Variants in DPYSL2 observed in about 807,000 individuals in gnomAD.
The protein encoded by DPYSL2 is dihydropyrimidinase like 2.
In DPYSL2, 13 loss-of-function variants were observed where a neutral mutation model predicts 69.9. The ratio of observed to expected loss-of-function variants is 0.19; its 90% CI spans 0.12 to 0.30. The LOEUF (loss-of-function observed/expected upper bound fraction) is 0.30. Among genes scored for constraint, DPYSL2 ranks in the 10% least tolerant of loss-of-function variants. The probability of loss-of-function intolerance (pLI) is 1.00; values close to 1 mark genes in which losing one functional copy is unlikely to be tolerated. For synonymous variants in DPYSL2, 326 were observed against 359.1 expected (o/e 0.91, Z 1.04); for missense variants, 587 against 918.9 (o/e 0.64, Z 4.67).
chr8:26,626,061 C>T lies in DPYSL2; in HGVS notation c.794-556C>T, dbSNP rs962223914. 4.6e-5 allele frequency among the ~76,000 whole-genome samples: 7 copies of T among 152,182 alleles called. No homozygotes were observed. The highest frequency in any genetic ancestry group is 2.0e-4 in the Admixed American group (3 of 15,278). ...TGTCTGTGAAATTGACTTCTAGGGA[C>T]CTCATACAAGTGGAATCATATAGTA... is the stretch of plus-strand genomic sequence containing the variant. On this transcript the variant is annotated intron_variant, in intron 4 of 13. Coordinates refer to ENST00000521913, the MANE Select transcript of DPYSL2 (RefSeq NM_001197293.3). This position sits in a 1 kb window ranked among gnomAD's most constrained non-coding sequence, Gnocchi z 4.3.
intron 1 of DPYSL2, among the ~76,000 whole-genome samples, chr8:26,545,008 T>C (rs1206717629): frequency 6.6e-6 from 1 of 152,148 alleles, no homozygotes; most frequent in Non-Finnish European, 1.5e-5. Context: ...CCTGAATATA[T>C]AAAGCAAATA....
Position 26,642,011 on chromosome 8 carries a change from C to T in DPYSL2, c.1127-1428C>T, listed in dbSNP as rs1023961847. On this transcript the variant is annotated intron_variant, in intron 8 of 13. Coordinates refer to ENST00000521913, the MANE Select transcript of DPYSL2 (RefSeq NM_001197293.3). The surrounding 1 kb of genome is among the most constrained non-coding windows in gnomAD (Gnocchi z 5.3). ...CTGTGGTGTGTTTGCCCTTGAGGGC[C>T]CTGTGTTTGGGGAAGTAGAGAAGCT... Among the ~76,000 whole-genome samples, 1 of 151,982 alleles carries T rather than the reference C, an allele frequency of 6.6e-6. No individual in the cohort carries two copies. Among genetic ancestry groups the T allele is most frequent in the Admixed American group, 6.6e-5 (1 of 15,254 alleles).
intron 1 of DPYSL2, among the ~76,000 whole-genome samples, chr8:26,558,407 G>GTTTA (rs1563386307): frequency 6.6e-6 from 1 of 152,208 alleles, no homozygotes; most frequent in Non-Finnish European, 1.5e-5. Context: ...AAAGATCAGT[G>GTTTA]TTTACCATGG....
At position 26,591,006 on chromosome 8, in the gene DPYSL2, A is replaced by G. The variant is rs1168562195; in HGVS notation, c.628+7023A>G. Among the ~76,000 whole-genome samples the G allele has an allele frequency of 6.6e-6, 1 of 152,174 alleles. No homozygotes were observed. The highest frequency in any genetic ancestry group is 1.5e-5 in the Non-Finnish European group (1 of 68,016). The stretch of plus-strand genomic sequence containing the variant: ...TTTCGTGGACATTGTGGCAGTTATC[A>G]TACTGTCCCAGGGTTTCTTGCCCCC... On this transcript the variant is annotated intron_variant, in intron 3 of 13. Coordinates refer to ENST00000521913, the MANE Select transcript of DPYSL2 (RefSeq NM_001197293.3). The surrounding 1 kb of genome is among the most constrained non-coding windows in gnomAD (Gnocchi z 5.8).
At position 26,622,496 on chromosome 8, in the gene DPYSL2, G is replaced by GTGTA. The variant is rs1554544401; in HGVS notation, c.629-1646_629-1645insGTAT. 2.2e-3 allele frequency among the ~76,000 whole-genome samples: 199 copies of GTGTA among 90,662 alleles called. 1 individual carries two copies. Among genetic ancestry groups the GTGTA allele is most frequent in the African/African-American group, 9.1e-3 (191 of 21,058 alleles). The allele number at this position is 90,662 out of a possible 152,430, so 59.5% of individuals were successfully genotyped here. A position where few individuals can be genotyped will look rare whatever the true frequency, so the allele number is the denominator to read the frequency against. ...TGTATATGTGTGTGTGTGTGTGTGT[G>GTGTA]TATATATATATTTTTTTTTTTCTTG... On this transcript the variant is annotated intron_variant, in intron 3 of 13. Transcript: ENST00000521913.
In DPYSL2 at chr8:26,553,121, G is replaced by A. The variant is rs139580924; in HGVS notation, c.355-28848G>A. The stretch of plus-strand genomic sequence containing the variant: ...CTCACACAAGAAGAAATAGATAATC[G>A]GAATAGACCTATTGCTATTAAAGAA... On this transcript the variant is annotated intron_variant, in intron 1 of 13. Transcript: ENST00000521913. 1.6e-4 allele frequency among the ~76,000 whole-genome samples: 24 copies of A among 152,172 alleles called. 2 individuals are homozygous for A. The highest frequency in any genetic ancestry group is 3.4e-3 in the Middle Eastern group (1 of 294).
In DPYSL2 at chr8:26,614,294, C is replaced by A. The variant is rs73678821; in HGVS notation, c.629-9849C>A. On this transcript the variant is annotated intron_variant, in intron 3 of 13. Coordinates refer to ENST00000521913, the MANE Select transcript of DPYSL2 (RefSeq NM_001197293.3). The surrounding 1 kb of genome is among the most constrained non-coding windows in gnomAD (Gnocchi z 4.9). ...GGATGTGGCAGGGACAGGTTCCAGGCACTGGCAGGATGGGGGCCAGTGTGC... is the reference window on the plus strand; with the variant it reads ...GGATGTGGCAGGGACAGGTTCCAGGAACTGGCAGGATGGGGGCCAGTGTGC... 2.7e-3 allele frequency among the ~76,000 whole-genome samples: 415 copies of A among 152,104 alleles called. 2 individuals carry two copies. Among genetic ancestry groups the A allele is most frequent in the African/African-American group, 9.7e-3 (403 of 41,486 alleles).
intron 1 of DPYSL2, among the ~76,000 whole-genome samples, chr8:26,515,008 C>T (rs1808253799): frequency 6.6e-6 from 1 of 152,226 alleles, no homozygotes; most frequent in Admixed American, 6.5e-5. Flanking sequence ...CTTCTGAAAC[C>T]CTCCCGGGCG....
Position 26,605,868 on chromosome 8 carries a change from A to AC in DPYSL2, c.629-18275_629-18274insC, listed in dbSNP as rs1301807229. On this transcript the variant is annotated intron_variant, in intron 3 of 13. Transcript: ENST00000521913. The surrounding 1 kb of genome is among the most constrained non-coding windows in gnomAD (Gnocchi z 4.1). ...AAAACCCAATACTGTAAAGAAGTGT[A>AC]TACTTTAGATTAATTTTAAAATTGA... Among the ~76,000 whole-genome samples, 1 of 152,230 alleles carries AC rather than the reference A, an allele frequency of 6.6e-6. No homozygotes were observed. Among genetic ancestry groups the AC allele is most frequent in the African/African-American group, 2.4e-5 (1 of 41,462 alleles).
rs981940847 is a variant in DPYSL2 at position 26,652,552 on chromosome 8, G to C, written c.1776+116G>C. 6 of 1,163,206 alleles carry C rather than the reference G, an allele frequency of 5.2e-6. No homozygotes were observed. The African/African-American group carries it at 9.3e-5, about 18-fold the overall frequency. The allele number at this position is 1,163,206 out of a possible 1,614,324, so 72.1% of individuals were successfully genotyped here. On this transcript the variant is annotated intron_variant, in intron 12 of 13. Transcript: ENST00000521913. This position sits in a 1 kb window ranked among gnomAD's most constrained non-coding sequence, Gnocchi z 6.3. The stretch of plus-strand genomic sequence containing the variant: ...TAAGATGAATTTAGTGGATTCCAGG[G>C]ATAAGAGGGAGCCTGAATTTTTTAT...
chr8:26,623,658 A>G (rs1802548376), intron 3 of DPYSL2, among the ~76,000 whole-genome samples: 1 of 152,248 alleles, frequency 6.6e-6, no homozygotes. Context: ...ATTATGCTGC[A>G]GAAATGTGAG....
Position 26,517,156 on chromosome 8 carries a change from A to G in DPYSL2, c.354+2477A>G, listed in dbSNP as rs1467068333. Reference sequence around the variant, plus strand: ...AGCTTTATTTATGTGTTACTAATGTATGGTCAGATGTGGCTTTGCTCATCT... The same window carrying G: ...AGCTTTATTTATGTGTTACTAATGTGTGGTCAGATGTGGCTTTGCTCATCT... On this transcript the variant is annotated intron_variant, in intron 1 of 13. Transcript: ENST00000521913. This position sits in a 1 kb window ranked among gnomAD's most constrained non-coding sequence, Gnocchi z 4.2. Among the ~76,000 whole-genome samples the G allele has an allele frequency of 6.6e-6, 1 of 152,004 alleles. No individual in the cohort carries two copies. The highest frequency in any genetic ancestry group is 2.4e-5 in the African/African-American group (1 of 41,380).
At chr8:26,632,222 T>A (rs1176217137) in intron 7 of DPYSL2, among the ~76,000 whole-genome samples, 2 of 152,022 alleles carry the variant, frequency 1.3e-5, no homozygotes, top group Non-Finnish European at 2.9e-5. Context: ...CTGAGAGGAG[T>A]GGCGACTGAG....
chr8:26,643,806 A>T lies in DPYSL2; in HGVS notation c.1284-144A>T. ...GGATAAAAACCTGGGCCATGTTGAA[A>T]GTCAAGCCAAGAAGGGAGAGGAGGC... On this transcript the variant is annotated intron_variant, in intron 9 of 13. Coordinates refer to ENST00000521913, the MANE Select transcript of DPYSL2 (RefSeq NM_001197293.3). This position sits in a 1 kb window ranked among gnomAD's most constrained non-coding sequence, Gnocchi z 6.5. 1.6e-6 allele frequency: 2 copies of T among 1,282,350 alleles called. No individual in the cohort carries two copies. Among genetic ancestry groups the T allele is most frequent in the South Asian group, 1.5e-5 (1 of 66,992 alleles). 79.4% of individuals were successfully genotyped at this position (1,282,350 alleles called of 1,614,324 possible). A position where few individuals can be genotyped will look rare whatever the true frequency, so the allele number is the denominator to read the frequency against.
chr8:26,570,415 A>C (rs1016701969), intron 1 of DPYSL2, among the ~76,000 whole-genome samples: 19 of 152,270 alleles, frequency 1.2e-4, no homozygotes, highest in African/African-American at 4.6e-4. Flanking sequence ...GGTGGGTCCC[A>C]GTTTCTACTA....
rs1307230662 is a variant in DPYSL2, at chr8:26,655,609, C to G, written c.1943-6C>G. Reference sequence around the variant, plus strand: ...CACCCGCTCCTCTCTTCTCCTCTCCCTCCAGGTGCTCAGATTGATGACAAC... The same window carrying G: ...CACCCGCTCCTCTCTTCTCCTCTCCGTCCAGGTGCTCAGATTGATGACAAC... On this transcript the variant is annotated splice_region_variant and splice_polypyrimidine_tract_variant and intron_variant, in intron 13 of 13. Transcript: ENST00000521913. 1 of 1,605,224 alleles carries G rather than the reference C, an allele frequency of 6.2e-7. No homozygotes were observed. The highest frequency in any genetic ancestry group is 1.3e-5 in the African/African-American group (1 of 74,860).
At chr8:26,527,763 G>T (rs779010160) in intron 1 of DPYSL2, among the ~76,000 whole-genome samples, 1 of 150,304 alleles carries the variant, frequency 6.7e-6, no homozygotes, top group Non-Finnish European at 1.5e-5. Flanking sequence ...TATAATTTGG[G>T]CCTTATAAAA....
intron 3 of DPYSL2, among the ~76,000 whole-genome samples, chr8:26,590,901 G>T (rs932605432): frequency 6.6e-6 from 1 of 152,256 alleles, no homozygotes; most frequent in East Asian, 1.9e-4. Context: ...AGCCAGGTAG[G>T]CTGGGTAGGC....
At chr8:26,632,925 C>G (rs1802813342) in intron 7 of DPYSL2, among the ~76,000 whole-genome samples, 1 of 152,244 alleles carries the variant, frequency 6.6e-6, no homozygotes, top group Non-Finnish European at 1.5e-5. Flanking sequence ...CATCCCTTTT[C>G]ACATAGTTGA....
Sources: gnomAD v4.1 joint callset for allele counts (sites outside exome capture counted in the v4.1 genomes callset) on GRCh38, gnomAD v4.1.1 for gene constraint, Gnocchi (gnomAD v3.1) non-coding constraint, MANE v1.5 for transcripts, NCBI Gene and HGNC (gene_info 2026-07-23, HGNC 2026-07-21) for gene names.